The following CUBN variants were observed in gnomAD, a reference collection of about 807,000 sequenced individuals.
CUBN encodes 460 kDa receptor.
A neutral mutation model predicts 405.3 loss-of-function variants in CUBN; 282 were observed. That is an observed-to-expected ratio of 0.70 (90% CI 0.63 to 0.77). The LOEUF (loss-of-function observed/expected upper bound fraction) is 0.77. CUBN is among the 30% of genes least tolerant of loss of function. The pLI is 0.00. For missense variants in CUBN, 4,514 were observed against 4,475.2 expected (o/e 1.01, Z -0.25); for synonymous variants, 1,684 against 1,617.0 (o/e 1.04, Z -0.99).
chr10:16,985,610 G>A (rs1201988424), intron 29 of CUBN, among the ~76,000 whole-genome samples: 1 of 152,188 alleles, frequency 6.6e-6, no homozygotes, highest in Non-Finnish European at 1.5e-5. Context: ...GCCCATGAGG[G>A]CTTTGAGAGT....
At chr10:17,016,586 G>A (rs1419169796) in intron 28 of CUBN, among the ~76,000 whole-genome samples, 1 of 152,196 alleles carries the variant, frequency 6.6e-6, no homozygotes, top group Non-Finnish European at 1.5e-5. Flanking sequence ...CCCCAGGTCT[G>A]CGTTGATCTG....
chr10:17,023,274 G>A (rs950905527), intron 27 of CUBN, among the ~76,000 whole-genome samples: 10 of 151,394 alleles, frequency 6.6e-5, no homozygotes, highest in African/African-American at 2.2e-4. Flanking sequence ...TGCCTTTGGG[G>A]GGAGAAAATT....
At chr10:16,904,185 A>G (rs1841491930) in intron 50 of CUBN, 70 bp from the exon 51 acceptor site, 1 of 1,440,616 alleles carries the variant, frequency 6.9e-7, no homozygotes, top group African/African-American at 1.4e-5. Flanking sequence ...TGAATTTGAT[A>G]AAAACAAATT....
chr10:16,868,037 T>C (rs1173474030), intron 59 of CUBN, among the ~76,000 whole-genome samples: 1 of 152,196 alleles, frequency 6.6e-6, no homozygotes, highest in East Asian at 1.9e-4. Context: ...AATATATCCC[T>C]TTTTTGTGCA....
intron 25 of CUBN, among the ~76,000 whole-genome samples, chr10:17,044,474 C>G (rs929851499): frequency 6.6e-6 from 1 of 151,956 alleles, no homozygotes; most frequent in Non-Finnish European, 1.5e-5. Context: ...ACACTGAAGG[C>G]TGAATATTGA....
At chr10:16,921,343 G>T (rs1842027778) in intron 43 of CUBN, among the ~76,000 whole-genome samples, 1 of 151,884 alleles carries the variant, frequency 6.6e-6, no homozygotes, top group Admixed American at 6.6e-5. Flanking sequence ...TTTTCCCTCT[G>T]TACATTAACT....
At chr10:17,064,563 G>A (rs1366073106) in intron 22 of CUBN, among the ~76,000 whole-genome samples, 1 of 152,088 alleles carries the variant, frequency 6.6e-6, no homozygotes, top group East Asian at 1.9e-4. Context: ...GTCACCATAT[G>A]CCTACTATGG....
chr10:16,862,352 T>C (rs1259749207), intron 59 of CUBN, among the ~76,000 whole-genome samples: 1 of 152,170 alleles, frequency 6.6e-6, no homozygotes, highest in East Asian at 1.9e-4. Flanking sequence ...TCTTAAATTT[T>C]TCTTTCTTCC....
intron 28 of CUBN, 118 bp from the exon 29 acceptor site, chr10:16,990,633 C>T: frequency 7.7e-6 from 6 of 775,664 alleles, no homozygotes; most frequent in Non-Finnish European, 1.0e-5. Context: ...TAGGAGAAAA[C>T]CGTTAAGTTA....
chr10:16,896,967 T>TA (rs1841201593), intron 54 of CUBN, among the ~76,000 whole-genome samples: 2 of 152,246 alleles, frequency 1.3e-5, no homozygotes, highest in Admixed American at 1.3e-4. Flanking sequence ...CAGCATGTTC[T>TA]TTATTTATGT....
Position 16,824,830 on chromosome 10 carries a change from T to C in CUBN, c.*145A>G. 2 of 707,580 alleles carry C rather than the reference T, an allele frequency of 2.8e-6. No homozygotes were observed. Among genetic ancestry groups the C allele is most frequent in the Non-Finnish European group, 5.1e-6 (2 of 394,196 alleles). The allele number at this position is 707,580 out of a possible 1,614,324, so 43.8% of individuals were successfully genotyped here. A position where few individuals can be genotyped will look rare whatever the true frequency, so the allele number is the denominator to read the frequency against. On this transcript the variant is annotated 3_prime_UTR_variant, in exon 67 of 67. Coordinates refer to ENST00000377833, the MANE Select transcript of CUBN (RefSeq NM_001081.4). ...AGCCACCACGCCTGGCCTACAAATATTGATTCTATCCATGGTTTGGTGAAA... is the reference window on the plus strand; with the variant it reads ...AGCCACCACGCCTGGCCTACAAATACTGATTCTATCCATGGTTTGGTGAAA...
chr10:17,090,955 G>A (rs752639567), intron 14 of CUBN, among the ~76,000 whole-genome samples: 3 of 151,944 alleles, frequency 2.0e-5, no homozygotes, highest in African/African-American at 2.4e-5. Flanking sequence ...TCCACTGAAA[G>A]GTCTAGAGAC....
intron 28 of CUBN, among the ~76,000 whole-genome samples, chr10:16,997,634 TA>T (rs1165527601): frequency 1.3e-5 from 2 of 151,852 alleles, no homozygotes; most frequent in African/African-American, 4.8e-5. Flanking sequence ...CTATGAAACA[TA>T]AAAAAACGTA....
At chr10:16,889,487 T>TAATA (rs1418153104) in intron 55 of CUBN, among the ~76,000 whole-genome samples, 1 of 152,200 alleles carries the variant, frequency 6.6e-6, no homozygotes, top group East Asian at 1.9e-4. Context: ...CCCACGAATC[T>TAATA]AATAGTGTAC....
intron 24 of CUBN, 97 bp from the exon 25 acceptor site, chr10:17,045,285 T>C: frequency 8.7e-7 from 1 of 1,153,014 alleles, no homozygotes; most frequent in Non-Finnish European, 1.3e-6. Flanking sequence ...TACTATCCTT[T>C]AAATCAAATT....
At chr10:16,836,731 C>T (rs1445238597) in intron 62 of CUBN, among the ~76,000 whole-genome samples, 1 of 152,204 alleles carries the variant, frequency 6.6e-6, no homozygotes, top group African/African-American at 2.4e-5. Flanking sequence ...CCTCCTGGGG[C>T]TTTTGCCATT....
chr10:16,903,769 A>C (rs976931308), intron 51 of CUBN, among the ~76,000 whole-genome samples, 197 bp downstream of exon 51: 1 of 150,058 alleles, frequency 6.7e-6, no homozygotes, highest in Non-Finnish European at 1.5e-5. Context: ...AATAATTTTA[A>C]ATTATGCAAA....
chr10:17,104,808 T>C (rs1836584044), intron 11 of CUBN, among the ~76,000 whole-genome samples: 1 of 130,064 alleles, frequency 7.7e-6, no homozygotes, highest in Non-Finnish European at 1.6e-5. Context: ...ATTATATATA[T>C]ATAATTTTTT....
intron 56 of CUBN, among the ~76,000 whole-genome samples, chr10:16,885,652 A>G (rs999476568): frequency 1.3e-5 from 2 of 152,156 alleles, no homozygotes; most frequent in East Asian, 1.9e-4. Context: ...TCACCTGATA[A>G]CTGAGCTCAG....
Sources: allele counts gnomAD v4.1 joint callset (sites outside exome capture counted in the v4.1 genomes callset), GRCh38; gene constraint gnomAD v4.1.1; transcripts MANE v1.5; gene names NCBI Gene and HGNC (gene_info 2026-07-23, HGNC 2026-07-21).